SNTG1: variants seen among roughly 807,000 people sequenced by gnomAD.
SNTG1 encodes the protein syntrophin gamma 1.
SNTG1 carries 39 observed loss-of-function variants against 74.7 expected under a neutral mutation model. That is an observed-to-expected ratio of 0.52 (90% CI 0.40 to 0.68). SNTG1 has a LOEUF of 0.68. Among genes scored for constraint, SNTG1 ranks in the 30% least tolerant of loss-of-function variants. SNTG1 has a pLI of 0.00. For missense variants in SNTG1, 685 were observed against 609.5 expected, an observed-to-expected ratio of 1.12 and a Z score of -1.30; for synonymous variants, 254 against 217.1, an observed-to-expected ratio of 1.17 and a Z score of -1.49.
intron 2 of SNTG1, among the ~76,000 whole-genome samples, chr8:50,295,485 G>A (rs901850325): frequency 6.6e-6 from 1 of 152,172 alleles, no homozygotes; most frequent in African/African-American, 2.4e-5. Flanking sequence ...AAACAGAGCA[G>A]TGTTTCATTG....
chr8:50,519,710 A>G (rs1585554860), intron 9 of SNTG1, among the ~76,000 whole-genome samples: 1 of 152,130 alleles, frequency 6.6e-6, no homozygotes, highest in Admixed American at 6.5e-5. Flanking sequence ...CACAATTGCT[A>G]CAAAAGAATA....
intron 1 of SNTG1, among the ~76,000 whole-genome samples, chr8:50,126,737 A>T (rs2081152940): frequency 6.6e-6 from 1 of 152,114 alleles, no homozygotes; most frequent in African/African-American, 2.4e-5. Context: ...CCAGTGGAGA[A>T]ACTTCTGGAA....
At chr8:50,272,800 AATCATAGCTC>A (rs969614392) in intron 2 of SNTG1, among the ~76,000 whole-genome samples, 28 of 151,932 alleles carry the variant, frequency 1.8e-4, no homozygotes, top group Non-Finnish European at 1.8e-4. Flanking sequence ...ACAGTGGCAC[AATCATAGCTC>A]ATGGTAACCT....
intron 2 of SNTG1, among the ~76,000 whole-genome samples, chr8:50,255,363 A>C (rs370676018): frequency 6.6e-6 from 1 of 152,196 alleles, no homozygotes; most frequent in East Asian, 1.9e-4. Flanking sequence ...TAAATTCTAA[A>C]GGATATTATC....
intron 2 of SNTG1, among the ~76,000 whole-genome samples, chr8:50,281,709 T>G (rs1406520797): frequency 2.6e-5 from 4 of 152,190 alleles, no homozygotes; most frequent in Non-Finnish European, 5.9e-5. Context: ...CTATAATTTT[T>G]CTCTCTACAT....
chr8:50,104,399 G>C (rs1425713831), intron 1 of SNTG1, among the ~76,000 whole-genome samples: 1 of 152,122 alleles, frequency 6.6e-6, no homozygotes, highest in Non-Finnish European at 1.5e-5. Flanking sequence ...TGTGGGATCG[G>C]TGCTGATATC....
intron 2 of SNTG1, among the ~76,000 whole-genome samples, chr8:50,375,294 G>T (rs2092355376): frequency 6.6e-6 from 1 of 152,082 alleles, no homozygotes; most frequent in Non-Finnish European, 1.5e-5. Flanking sequence ...TTAGATTCTG[G>T]TGGATCTGGC....
intron 2 of SNTG1, among the ~76,000 whole-genome samples, chr8:50,203,368 G>A (rs1359884568): frequency 1.3e-5 from 2 of 152,042 alleles, no homozygotes; most frequent in African/African-American, 4.8e-5. Flanking sequence ...CTGTTTCTCT[G>A]TGTTCACCTG....
chr8:50,573,092 A>G (rs2094558140), intron 12 of SNTG1, among the ~76,000 whole-genome samples: 1 of 152,138 alleles, frequency 6.6e-6, no homozygotes, highest in African/African-American at 2.4e-5. Context: ...CTTTGATTAA[A>G]CTGGCAATGT....
intron 2 of SNTG1, among the ~76,000 whole-genome samples, chr8:50,369,520 C>A (rs927263400): frequency 2.0e-5 from 3 of 151,804 alleles, no homozygotes; most frequent in Non-Finnish European, 4.4e-5. Context: ...CGCTTGAACC[C>A]AGGAGGCAGA....
At chr8:49,985,456 A>T (rs1405023892) in intron 1 of SNTG1, among the ~76,000 whole-genome samples, 1 of 152,212 alleles carries the variant, frequency 6.6e-6, no homozygotes, top group Non-Finnish European at 1.5e-5. Flanking sequence ...TATTAAAATC[A>T]ATATTGAAAT....
intron 2 of SNTG1, among the ~76,000 whole-genome samples, chr8:50,309,360 C>CAA (rs10535912): frequency 2.0e-5 from 3 of 149,414 alleles, no homozygotes; most frequent in African/African-American, 7.5e-5. Context: ...TTTTTTAAGA[C>CAA]AAAAAAAAAA....
chr8:50,049,941 G>A (rs542182360), intron 1 of SNTG1, among the ~76,000 whole-genome samples: 18 of 151,926 alleles, frequency 1.2e-4, no homozygotes, highest in East Asian at 3.9e-4. Flanking sequence ...GTCAAAATTC[G>A]TGGAATTCAG....
At chr8:50,534,825 A>T (rs2094296025) in intron 10 of SNTG1, among the ~76,000 whole-genome samples, 1 of 152,168 alleles carries the variant, frequency 6.6e-6, no homozygotes, top group South Asian at 2.1e-4. Context: ...ATATGAACAT[A>T]GTAATAGCTT....
At chr8:50,680,391 A>C (rs566264040) in intron 15 of SNTG1, among the ~76,000 whole-genome samples, 1 of 152,254 alleles carries the variant, frequency 6.6e-6, no homozygotes, top group African/African-American at 2.4e-5. Flanking sequence ...CAGCCTCTTG[A>C]CTTAGGGGCA....
chr8:50,728,754 C>A (rs1286126628), intron 17 of SNTG1, among the ~76,000 whole-genome samples: 2 of 152,212 alleles, frequency 1.3e-5, no homozygotes, highest in South Asian at 4.1e-4. Context: ...ATTAGGAGTG[C>A]TCATTGTTTG....
chr8:50,234,730 T>C (rs1014464325), intron 2 of SNTG1, among the ~76,000 whole-genome samples: 1 of 152,034 alleles, frequency 6.6e-6, no homozygotes, highest in African/African-American at 2.4e-5. Flanking sequence ...TTTCTAAATA[T>C]TATAAAAACC....
intron 1 of SNTG1, among the ~76,000 whole-genome samples, chr8:50,092,406 A>G (rs2079773326): frequency 6.6e-6 from 1 of 152,086 alleles, no homozygotes; most frequent in Non-Finnish European, 1.5e-5. Context: ...TCTGAAGTCT[A>G]CAGATGTGTT....
intron 17 of SNTG1, among the ~76,000 whole-genome samples, chr8:50,748,005 T>A (rs1203398793): frequency 6.6e-6 from 1 of 151,956 alleles, no homozygotes; most frequent in Non-Finnish European, 1.5e-5. Context: ...TGTACCAAGA[T>A]AGGAAAAAAG....
Sources: gnomAD v4.1 joint callset for allele counts (sites outside exome capture counted in the v4.1 genomes callset) on GRCh38, gnomAD v4.1.1 for gene constraint, MANE v1.5 for transcripts, NCBI Gene and HGNC (gene_info 2026-07-23, HGNC 2026-07-21) for gene names.